The following POU6F2 variants were observed in gnomAD, a reference collection of about 807,000 sequenced individuals.
The protein encoded by POU6F2 is POU domain, class 6, transcription factor 2.
In POU6F2, 31 loss-of-function variants were observed where a neutral mutation model predicts 71.3. The observed-to-expected ratio is 0.43, with a 90% CI of 0.33 to 0.59. The LOEUF (loss-of-function observed/expected upper bound fraction) is 0.59. POU6F2 is among the 20% of genes least tolerant of loss of function. POU6F2 has a pLI of 0.04. For missense variants in POU6F2, 783 were observed against 856.8 expected, an observed-to-expected ratio of 0.91 and a Z score of 1.07; for synonymous variants, 347 against 355.7, an observed-to-expected ratio of 0.98 and a Z score of 0.27.
intron 1 of POU6F2, 143 bp downstream of exon 1, chr7:38,978,201 A>G (rs1788229164): frequency 2.0e-5 from 3 of 152,186 alleles, no homozygotes; most frequent in African/African-American, 7.2e-5. Flanking sequence ...CGAAAGGCAA[A>G]AGGCACCCAT....
At chr7:39,174,835 G>A (rs183096770) in intron 2 of POU6F2, among the ~76,000 whole-genome samples, 62 of 152,208 alleles carry the variant, frequency 4.1e-4, no homozygotes, top group Admixed American at 1.3e-3. Flanking sequence ...TGCAAGAACT[G>A]GTCTCACTTG....
At chr7:39,379,638 A>G (rs1786785096) in intron 5 of POU6F2, among the ~76,000 whole-genome samples, 1 of 152,228 alleles carries the variant, frequency 6.6e-6, no homozygotes, top group African/African-American at 2.4e-5. Flanking sequence ...CAGACAGTCT[A>G]CAAGCTCCGC....
intron 1 of POU6F2, among the ~76,000 whole-genome samples, chr7:39,015,837 AATATAT>A (rs1562670678): frequency 2.0e-3 from 78 of 38,448 alleles, no homozygotes; most frequent in African/African-American, 5.5e-3. Flanking sequence ...ATAGATATAT[AATATAT>A]TATATATAGA....
At chr7:39,326,860 T>C (rs533686006) in intron 4 of POU6F2, among the ~76,000 whole-genome samples, 21 of 152,312 alleles carry the variant, frequency 1.4e-4, no homozygotes, top group African/African-American at 4.8e-4. Context: ...CAGGTTGTCC[T>C]AGTTGGTCAG....
At chr7:39,375,640 A>C (rs1196154307) in intron 5 of POU6F2, among the ~76,000 whole-genome samples, 2 of 151,226 alleles carry the variant, frequency 1.3e-5, no homozygotes, top group Non-Finnish European at 2.9e-5. Context: ...TTTTTTTCAA[A>C]TATTTAAGAT....
chr7:39,015,517 AATATATCTATGTTTTATATAG>A (rs1420236743), intron 1 of POU6F2, among the ~76,000 whole-genome samples: 3 of 20,624 alleles, frequency 1.5e-4, no homozygotes, highest in African/African-American at 3.3e-4. Context: ...TTATATATAT[AATATATCTATGTTTTATATAG>A]ATATATCTAT....
Position 39,467,900 on chromosome 7 carries a change from A to C in POU6F2, c.*3214A>C, listed in dbSNP as rs1248105314. 6.6e-6 allele frequency: 1 copy of C among 152,212 alleles called. No individual in the cohort carries two copies. The highest frequency in any genetic ancestry group is 1.5e-5 in the Non-Finnish European group (1 of 68,046). The allele number at this position is 152,212 out of a possible 1,614,324, so 9.4% of individuals were successfully genotyped here. On this transcript the variant is annotated 3_prime_UTR_variant, in exon 10 of 10. Transcript: ENST00000518318. ...ATTTGTAGGTATATGCACATTGTAT[A>C]GATATGGCTAAATGTTGCTGACAAT...
At chr7:39,080,604 T>C (rs1165812570) in intron 1 of POU6F2, among the ~76,000 whole-genome samples, 1 of 152,234 alleles carries the variant, frequency 6.6e-6, no homozygotes, top group Non-Finnish European at 1.5e-5. Flanking sequence ...AACTTTACCA[T>C]ACTTGAGTGC....
At chr7:39,200,217 C>T (rs906308987) in intron 2 of POU6F2, among the ~76,000 whole-genome samples, 8 of 152,158 alleles carry the variant, frequency 5.3e-5, no homozygotes, top group Non-Finnish European at 1.2e-4. Context: ...GCCTGGGTAA[C>T]GTCTAAGCCA....
rs146431317 is a variant in POU6F2, at chr7:39,455,214, G to T, written c.1489+3513G>T. Among the ~76,000 whole-genome samples the T allele has an allele frequency of 4.4e-3, 671 of 152,264 alleles. 7 individuals are homozygous for T. The highest frequency in any genetic ancestry group is 0.015 in the African/African-American group (635 of 41,540). ...TAGAAATAGGTAGGTTTAGGGTTTT[G>T]ATCACTTGCTGGATTTTTTTCCAGT... On this transcript the variant is annotated intron_variant, in intron 8 of 9. Coordinates refer to ENST00000518318, the MANE Select transcript of POU6F2 (RefSeq NM_001370959.1).
chr7:39,118,849 A>C (rs1210606049), intron 2 of POU6F2, among the ~76,000 whole-genome samples: 1 of 152,222 alleles, frequency 6.6e-6, no homozygotes, highest in Non-Finnish European at 1.5e-5. Flanking sequence ...ACATTTTAGA[A>C]GATTCTAATC....
chr7:39,251,346 T>C (rs962569858), intron 4 of POU6F2, among the ~76,000 whole-genome samples: 21 of 152,142 alleles, frequency 1.4e-4, no homozygotes, highest in African/African-American at 4.8e-4. Flanking sequence ...AAAACCCAAG[T>C]TATTATAGTG....
chr7:39,260,168 C>G (rs944283838), intron 4 of POU6F2, among the ~76,000 whole-genome samples: 1 of 143,850 alleles, frequency 7.0e-6, no homozygotes, highest in African/African-American at 2.7e-5. Flanking sequence ...ACACCGCACA[C>G]ACTCCATACT....
chr7:39,305,339 A>G (rs1466537811), intron 4 of POU6F2, among the ~76,000 whole-genome samples: 4 of 152,282 alleles, frequency 2.6e-5, no homozygotes, highest in Non-Finnish European at 4.4e-5. Context: ...ATAATCAATG[A>G]CAATTCCTAT....
At chr7:38,990,675 G>T (rs1173825616) in intron 1 of POU6F2, among the ~76,000 whole-genome samples, 1 of 151,892 alleles carries the variant, frequency 6.6e-6, no homozygotes. Context: ...TTTTTGTCTG[G>T]AGCCTGTAAT....
intron 5 of POU6F2, among the ~76,000 whole-genome samples, chr7:39,369,616 G>A (rs1786569258): frequency 6.6e-6 from 1 of 151,894 alleles, no homozygotes; most frequent in Non-Finnish European, 1.5e-5. Flanking sequence ...TGCCCTCCTT[G>A]GCCTCCCAAA....
intron 4 of POU6F2, among the ~76,000 whole-genome samples, chr7:39,259,352 C>A (rs1031167764): frequency 6.6e-6 from 1 of 152,172 alleles, no homozygotes; most frequent in Non-Finnish European, 1.5e-5. Context: ...AAGTTTCCGG[C>A]CTTTGGAAAC....
At chr7:39,191,073 A>T (rs1204111741) in intron 2 of POU6F2, among the ~76,000 whole-genome samples, 1 of 152,194 alleles carries the variant, frequency 6.6e-6, no homozygotes, top group Non-Finnish European at 1.5e-5. Context: ...TCTGTGCCAT[A>T]ACTCACTGAT....
At chr7:39,138,822 G>C (rs1401040384) in intron 2 of POU6F2, among the ~76,000 whole-genome samples, 1 of 152,178 alleles carries the variant, frequency 6.6e-6, no homozygotes, top group Non-Finnish European at 1.5e-5. Context: ...CCCTGGGATT[G>C]CTGATTTACA....
Sources: allele counts gnomAD v4.1 joint callset (sites outside exome capture counted in the v4.1 genomes callset), GRCh38; gene constraint gnomAD v4.1.1; transcripts MANE v1.5; gene names NCBI Gene and HGNC (gene_info 2026-07-23, HGNC 2026-07-21).